The following PTGFRN variants were observed in gnomAD, a reference collection of about 807,000 sequenced individuals.
The protein encoded by PTGFRN is prostaglandin F2 receptor negative regulator.
PTGFRN carries 35 observed loss-of-function variants against 83.2 expected under a neutral mutation model. The observed-to-expected ratio is 0.42, with a 90% confidence interval of 0.32 to 0.56. PTGFRN has a LOEUF of 0.56. Among genes scored for constraint, PTGFRN ranks in the 20% least tolerant of loss-of-function variants. The pLI, the probability that PTGFRN is intolerant of heterozygous loss-of-function variation, is 0.11. For missense variants in PTGFRN, 1,051 were observed against 1,179.5 expected (o/e 0.89, Z 1.60); for synonymous variants, 519 against 498.6 (o/e 1.04, Z -0.55).
chr1:116,949,167 G>A, intron 3 of PTGFRN, 25 bp from the exon 4 acceptor site: 1 of 1,551,120 alleles, frequency 6.4e-7, no homozygotes, highest in Non-Finnish European at 8.7e-7. Context: ...AGATTACCTA[G>A]ATGTATTTGT....
intron 1 of PTGFRN, among the ~76,000 whole-genome samples, chr1:116,928,777 G>A (rs1649719485): frequency 9.9e-5 from 15 of 152,082 alleles, no homozygotes; most frequent in Admixed American, 9.8e-4. Flanking sequence ...GAAACCTCAA[G>A]CTTTTGCCTC....
Position 116,928,021 on chromosome 1 carries a change from T to C in PTGFRN, c.50-13694T>C, listed in dbSNP as rs573718142. Among the ~76,000 whole-genome samples the C allele has an allele frequency of 4.6e-5, 7 of 152,326 alleles. No homozygotes were observed. In the East Asian group the frequency reaches 1.3e-3, roughly 29 times the overall value. On this transcript the variant is annotated intron_variant, in intron 1 of 8. Coordinates refer to ENST00000393203, the MANE Select transcript of PTGFRN (RefSeq NM_020440.4). ...GATAACATTAGAGCCAGAACTGCCATGTAAATGTCAATTAGAAACAAGATT... is the reference window on the plus strand; with the variant it reads ...GATAACATTAGAGCCAGAACTGCCACGTAAATGTCAATTAGAAACAAGATT...
chr1:116,975,556 G>A (rs752638275), intron 7 of PTGFRN, among the ~76,000 whole-genome samples: 1 of 152,186 alleles, frequency 6.6e-6, no homozygotes, highest in Non-Finnish European at 1.5e-5. Context: ...AGAAACATTT[G>A]CTGTTCAGCA....
rs1244965860 is a variant in PTGFRN, at chr1:116,941,830, C to CT, written c.168dup (p.Asp57Ter). 1 of 1,614,210 alleles carries CT rather than the reference C, an allele frequency of 6.2e-7. No individual in the cohort carries two copies. Among genetic ancestry groups the CT allele is most frequent in the Non-Finnish European group, 8.5e-7 (1 of 1,180,032 alleles). On this transcript the variant is annotated frameshift_variant, in exon 2 of 9. Coordinates refer to ENST00000393203, the MANE Select transcript of PTGFRN (RefSeq NM_020440.4). LOFTEE classifies it high-confidence loss of function. The surrounding 1 kb of genome is among the most constrained non-coding windows in gnomAD (Gnocchi z 5.0). ...ACTATGATGGCCCCAGCGAGCAAAA[C>CT]TTTGACTGGAGCTTCTCATCTTTGG...
chr1:116,929,899 G>T (rs1235993442), intron 1 of PTGFRN, among the ~76,000 whole-genome samples: 1 of 152,120 alleles, frequency 6.6e-6, no homozygotes, highest in African/African-American at 2.4e-5. Context: ...CTACATCTTT[G>T]TTCCTTCTCT....
At chr1:116,953,674 C>A (rs1220561618) in intron 4 of PTGFRN, among the ~76,000 whole-genome samples, 1 of 151,582 alleles carries the variant, frequency 6.6e-6, no homozygotes, top group South Asian at 2.1e-4. Flanking sequence ...TGGAGGAGCC[C>A]AGCATAGAGG....
intron 7 of PTGFRN, among the ~76,000 whole-genome samples, chr1:116,977,627 T>C (rs1343768422): frequency 2.0e-5 from 3 of 152,140 alleles, no homozygotes; most frequent in Non-Finnish European, 4.4e-5. Context: ...GACTACTGGG[T>C]ACATAATGAA....
In PTGFRN at chr1:116,957,151, CTGTG is replaced by C. The variant is rs57827917; in HGVS notation, c.1214-4070_1214-4067del. Reference sequence around the variant, plus strand: ...TTTCTCTCTCTCTCTCGCTGGCTCGCTGTGTGTGTGTGTGTGTGTGTGTGTTTGT... The same window carrying C: ...TTTCTCTCTCTCTCTCGCTGGCTCGCTGTGTGTGTGTGTGTGTGTGTTTGT... On this transcript the variant is annotated intron_variant, in intron 4 of 8. Transcript: ENST00000393203. 3.2e-3 allele frequency among the ~76,000 whole-genome samples: 464 copies of C among 146,892 alleles called. 5 individuals carry two copies. The highest frequency in any genetic ancestry group is 4.3e-3 in the African/African-American group (173 of 39,870).
In PTGFRN at chr1:116,976,984, G is replaced by A. The variant is rs1036032497; in HGVS notation, c.2167+2661G>A. Among the ~76,000 whole-genome samples the A allele has an allele frequency of 7.2e-5, 11 of 152,040 alleles. No individual in the cohort carries two copies. In the South Asian group the frequency reaches 8.3e-4, roughly 11 times the overall value. ...GTGCTATATTCAGGAGACCCATCTC[G>A]CGTGCAGAGACACACATAGGCTCAA... On this transcript the variant is annotated intron_variant, in intron 7 of 8. Transcript: ENST00000393203.
intron 1 of PTGFRN, among the ~76,000 whole-genome samples, chr1:116,934,154 G>T (rs907868449): frequency 8.0e-5 from 12 of 150,456 alleles, no homozygotes; most frequent in Non-Finnish European, 1.5e-4. Flanking sequence ...TGATTGTTTT[G>T]TTTTTTTTTG....
At chr1:116,960,145 T>G (rs1306243089) in intron 4 of PTGFRN, among the ~76,000 whole-genome samples, 1 of 152,158 alleles carries the variant, frequency 6.6e-6, no homozygotes, top group African/African-American at 2.4e-5. Flanking sequence ...CAAAAGTGCA[T>G]AGATGGCTTA....
chr1:116,929,127 G>A (rs537308060), intron 1 of PTGFRN, among the ~76,000 whole-genome samples: 1 of 152,132 alleles, frequency 6.6e-6, no homozygotes, highest in Non-Finnish European at 1.5e-5. Flanking sequence ...TCAGTAAGTG[G>A]CATCACCCTG....
intron 4 of PTGFRN, among the ~76,000 whole-genome samples, chr1:116,950,641 CCTT>C (rs1440858591): frequency 3.9e-5 from 6 of 152,094 alleles, no homozygotes; most frequent in South Asian, 2.1e-4. Flanking sequence ...TATTCGCTCT[CCTT>C]TTTTTTTTCC....
rs1390164361 is a variant in PTGFRN, at chr1:116,974,331, A to C, written c.2167+8A>C. ...GAGCAGCACTGGATCCAGGTACCTCACTCCATCCTCACCCCTTCACCATGT... is the reference window on the plus strand; with the variant it reads ...GAGCAGCACTGGATCCAGGTACCTCCCTCCATCCTCACCCCTTCACCATGT... On this transcript the variant is annotated splice_region_variant and intron_variant, in intron 7 of 8. Transcript: ENST00000393203. 6.4e-7 allele frequency: 1 copy of C among 1,569,188 alleles called. No individual in the cohort carries two copies. The highest frequency in any genetic ancestry group is 8.8e-7 in the Non-Finnish European group (1 of 1,139,760).
intron 1 of PTGFRN, among the ~76,000 whole-genome samples, chr1:116,915,893 A>G (rs940932180): frequency 1.3e-5 from 2 of 152,206 alleles, no homozygotes; most frequent in African/African-American, 4.8e-5. Context: ...ACTGGCAAAA[A>G]TTCTTCATAA....
intron 7 of PTGFRN, among the ~76,000 whole-genome samples, chr1:116,979,614 A>G (rs1236083523): frequency 6.6e-6 from 1 of 152,202 alleles, no homozygotes; most frequent in African/African-American, 2.4e-5. Context: ...AAAACAAGAC[A>G]TGGGGAAAGG....
intron 7 of PTGFRN, 92 bp downstream of exon 7, chr1:116,974,415 G>T: frequency 1.0e-6 from 1 of 993,742 alleles, no homozygotes. Flanking sequence ...GTGGGTTAGG[G>T]ATAGGATTAT....
At chr1:116,956,587 A>C (rs1650501284) in intron 4 of PTGFRN, among the ~76,000 whole-genome samples, 1 of 152,210 alleles carries the variant, frequency 6.6e-6, no homozygotes, top group East Asian at 1.9e-4. Context: ...AGGAGTAGCT[A>C]GGGAATGGTG....
chr1:116,945,534 G>A (rs1302195667), intron 3 of PTGFRN, among the ~76,000 whole-genome samples: 1 of 152,106 alleles, frequency 6.6e-6, no homozygotes, highest in Non-Finnish European at 1.5e-5. Flanking sequence ...TGCAGCTGTT[G>A]GAGTGTGTGC....
Sources: gnomAD v4.1 joint callset for allele counts (sites outside exome capture counted in the v4.1 genomes callset) on GRCh38, gnomAD v4.1.1 for gene constraint, Gnocchi (gnomAD v3.1) non-coding constraint, MANE v1.5 for transcripts, NCBI Gene and HGNC (gene_info 2026-07-23, HGNC 2026-07-21) for gene names.